The following USP48 variants were observed in gnomAD, a reference collection of about 807,000 sequenced individuals.
USP48 encodes the protein ubiquitin specific peptidase 48, also known as ubiquitin carboxyl-terminal hydrolase 48.
USP48 carries 43 observed loss-of-function variants against 150.7 expected under a neutral mutation model. That is an observed-to-expected ratio of 0.29 (90% CI 0.22 to 0.37). USP48 has a LOEUF of 0.37. Ranked by LOEUF, USP48 falls within the 10% of genes least tolerant of loss-of-function variation. The pLI, the probability that USP48 is intolerant of heterozygous loss-of-function variation, is 1.00. For missense variants in USP48, 813 were observed against 1,249.6 expected (o/e 0.65, Z 5.27); for synonymous variants, 396 against 425.9 (o/e 0.93, Z 0.86).
In USP48 at chr1:21,756,556, T is replaced by C. The variant is rs755507594; in HGVS notation, c.402A>G (p.Gln134=). The change falls in exon 3 of 27, where the codon CAA becomes CAG. Residue 134 remains glutamine (Q), a synonymous_variant. Transcript: ENST00000308271. The part of the protein sequence containing the change: ...CSDYMLGDGI[Q]EEKDYEPQTI... ...CCCCTTTCCACCCACCTTTTTCTTC[T>C]TGGATGCCGTCTCCCAGCATGTAGT... 1 of 1,580,090 alleles carries C rather than the reference T, an allele frequency of 6.3e-7. No individual in the cohort carries two copies. The highest frequency in any genetic ancestry group is 2.4e-5 in the East Asian group (1 of 42,550).
At chr1:21,759,256 T>C (rs1332358819) in intron 1 of USP48, among the ~76,000 whole-genome samples, 1 of 148,206 alleles carries the variant, frequency 6.7e-6, no homozygotes, top group African/African-American at 2.5e-5. Context: ...AGAAAACATA[T>C]TTCAACTAAA....
At chr1:21,715,243 T>C in intron 15 of USP48, 146 bp downstream of exon 15, 1 of 547,980 alleles carries the variant, frequency 1.8e-6, no homozygotes, top group Non-Finnish European at 3.3e-6. Context: ...TCTTTTCCAA[T>C]GATTTCCTCT....
intron 22 of USP48, among the ~76,000 whole-genome samples, chr1:21,700,476 A>C (rs570403123): frequency 1.8e-4 from 28 of 152,314 alleles, no homozygotes; most frequent in African/African-American, 6.0e-4. Flanking sequence ...TTAAAAATGA[A>C]GTAACAGTAT....
At chr1:21,709,562 T>G (rs1357599382) in intron 15 of USP48, among the ~76,000 whole-genome samples, 1 of 151,012 alleles carries the variant, frequency 6.6e-6, no homozygotes, top group African/African-American at 2.4e-5. Flanking sequence ...CTACAATATT[T>G]AAATGGTTTC....
intron 1 of USP48, among the ~76,000 whole-genome samples, chr1:21,776,785 C>G (rs1186839954): frequency 2.0e-5 from 3 of 151,980 alleles, no homozygotes; most frequent in Non-Finnish European, 4.4e-5. Context: ...AAAACCCCAT[C>G]TCTACTAAAA....
intron 1 of USP48, among the ~76,000 whole-genome samples, chr1:21,767,370 G>C (rs938604304): frequency 6.6e-6 from 1 of 152,124 alleles, no homozygotes; most frequent in African/African-American, 2.4e-5. Context: ...AGGCTAGAGT[G>C]CAGTGGTGCA....
chr1:21,685,249 C>T (rs913420353), intron 25 of USP48, among the ~76,000 whole-genome samples: 1 of 151,370 alleles, frequency 6.6e-6, no homozygotes, highest in Admixed American at 6.6e-5. Context: ...AGAGGTCTTT[C>T]ACCTTCTTGG....
chr1:21,695,637 G>A lies in USP48; in HGVS notation c.2728-416C>T, dbSNP rs192024226. On this transcript the variant is annotated intron_variant, in intron 22 of 26. Coordinates refer to ENST00000308271, the MANE Select transcript of USP48 (RefSeq NM_032236.8). ...GGCAGGAGGATCATTTGAGCCCAGT[G>A]GTTCCAGGCTGCAGTGAGCTACAAT... Among the ~76,000 whole-genome samples, 24 of 152,216 alleles carry A rather than the reference G, an allele frequency of 1.6e-4. No individual in the cohort carries two copies. In the East Asian group the frequency reaches 3.5e-3, roughly 22 times the overall value.
At chr1:21,712,240 T>C (rs1049986006) in intron 15 of USP48, among the ~76,000 whole-genome samples, 1 of 152,170 alleles carries the variant, frequency 6.6e-6, no homozygotes, top group Non-Finnish European at 1.5e-5. Context: ...ATGCCTATAG[T>C]TCCAGATACT....
At chr1:21,765,827 C>T (rs2097860498) in intron 1 of USP48, among the ~76,000 whole-genome samples, 1 of 137,176 alleles carries the variant, frequency 7.3e-6, no homozygotes, top group Admixed American at 7.7e-5. Context: ...TAGTTTGAAA[C>T]TACGAAGCCG....
chr1:21,772,351 T>C (rs1175986187), intron 1 of USP48, among the ~76,000 whole-genome samples: 3 of 151,980 alleles, frequency 2.0e-5, no homozygotes, highest in African/African-American at 4.8e-5. Flanking sequence ...GGGCCGGGCA[T>C]GGTGGGTCAT....
rs2097777937 is a variant in USP48 at position 21,740,086 on chromosome 1, TTTTTAGTAGAGA to T, written c.992-3473_992-3462del. On this transcript the variant is annotated intron_variant, in intron 8 of 26. Coordinates refer to ENST00000308271, the MANE Select transcript of USP48 (RefSeq NM_032236.8). ...GCCACCATGCCTGGCTAATTTTGTA[TTTTTAGTAGAGA>T]CGGCGTTTCTCCATGTTGGTCAGGC... Among the ~76,000 whole-genome samples, 3 of 152,222 alleles carry T rather than the reference TTTTTAGTAGAGA, an allele frequency of 2.0e-5. No individual in the cohort carries two copies. The South Asian group carries it at 6.2e-4, about 32-fold the overall frequency.
At chr1:21,764,655 G>A (rs1336924330) in intron 1 of USP48, among the ~76,000 whole-genome samples, 2 of 148,268 alleles carry the variant, frequency 1.3e-5, no homozygotes, top group Non-Finnish European at 3.0e-5. Context: ...GCAGTGAGCC[G>A]AGATCGTGAT....
intron 8 of USP48, among the ~76,000 whole-genome samples, chr1:21,741,455 A>C (rs2152567156): frequency 6.6e-6 from 1 of 152,340 alleles, no homozygotes; most frequent in Non-Finnish European, 1.5e-5. Flanking sequence ...GAATTTCGCA[A>C]GGACAAAATA....
intron 15 of USP48, 131 bp from the exon 16 acceptor site, chr1:21,706,999 T>C (rs1008997972): frequency 9.4e-7 from 1 of 1,061,032 alleles, no homozygotes; most frequent in Non-Finnish European, 1.3e-6. Flanking sequence ...TTGGTATTTC[T>C]AGCTCTCTTT....
chr1:21,679,686 T>C (rs940528052), intron 26 of USP48, among the ~76,000 whole-genome samples: 1 of 152,220 alleles, frequency 6.6e-6, no homozygotes, highest in Non-Finnish European at 1.5e-5. Flanking sequence ...ATTTTATTGA[T>C]TCTTTCATTT....
chr1:21,746,666 T>C (rs2097795217), intron 8 of USP48, among the ~76,000 whole-genome samples: 1 of 152,144 alleles, frequency 6.6e-6, no homozygotes, highest in Non-Finnish European at 1.5e-5. Context: ...ATACTGGAAT[T>C]ATGCCACCTA....
At position 21,701,611 on chromosome 1, in the gene USP48, G is replaced by T. The variant is rs2152514985; in HGVS notation, c.2623-9C>A. 2 of 1,612,536 alleles carry T rather than the reference G, an allele frequency of 1.2e-6. No individual in the cohort carries two copies. Among genetic ancestry groups the T allele is most frequent in the East Asian group, 2.2e-5 (1 of 44,846 alleles). ...GCCGAATCCTTCATCACCTGAATGT[G>T]CCAGGACAACAAAGAGAAGTAGGTC... On this transcript the variant is annotated splice_polypyrimidine_tract_variant and intron_variant, in intron 21 of 26. Transcript: ENST00000308271.
In USP48 at chr1:21,710,682, G is replaced by C. The variant is rs76001417; in HGVS notation, c.1964-3814C>G. Among the ~76,000 whole-genome samples, 270 of 151,972 alleles carry C rather than the reference G, an allele frequency of 1.8e-3. 1 individual carries two copies. The highest frequency in any genetic ancestry group is 6.3e-3 in the African/African-American group (261 of 41,448). ...ACATACAACACGTTAGAAATATATA[G>C]GGGTTTTGTTATAAAAATATGAAAA... On this transcript the variant is annotated intron_variant, in intron 15 of 26. Coordinates refer to ENST00000308271, the MANE Select transcript of USP48 (RefSeq NM_032236.8).
Sources: allele counts gnomAD v4.1 joint callset (sites outside exome capture counted in the v4.1 genomes callset), GRCh38; gene constraint gnomAD v4.1.1; transcripts MANE v1.5; gene names NCBI Gene and HGNC (gene_info 2026-07-23, HGNC 2026-07-21).